The following DST variants were observed in gnomAD, a reference collection of about 807,000 sequenced individuals.
The protein encoded by DST is bullous pemphigoid antigen.
A neutral mutation model predicts 875.2 loss-of-function variants in DST; 253 were observed. The observed-to-expected ratio is 0.29, with a 90% CI of 0.26 to 0.32. The LOEUF (loss-of-function observed/expected upper bound fraction) is 0.32. DST is among the 10% of genes least tolerant of loss of function. DST has a pLI of 1.00. For missense variants in DST, 8,287 were observed against 9,111.6 expected (o/e 0.91, Z 3.68); for synonymous variants, 3,124 against 3,197.1 (o/e 0.98, Z 0.77).
intron 4 of DST, chr6:56,843,261 A>C: frequency 7.9e-7 from 1 of 1,269,716 alleles, no homozygotes. Context: ...AAGGAGCAGC[A>C]CGCTGGGGAG....
At chr6:56,563,857 G>A (rs2097590987) in intron 55 of DST, among the ~76,000 whole-genome samples, 1 of 151,702 alleles carries the variant, frequency 6.6e-6, no homozygotes, top group South Asian at 2.1e-4. Context: ...CATTGCTTTT[G>A]TCAGATTTGT....
At chr6:56,626,725 A>T (rs2098738309) in intron 34 of DST, among the ~76,000 whole-genome samples, 1 of 152,136 alleles carries the variant, frequency 6.6e-6, no homozygotes, top group African/African-American at 2.4e-5. Context: ...GGTAATTTCC[A>T]AGTCTGTTTA....
At chr6:56,907,754 A>G (rs953475077) in intron 2 of DST, among the ~76,000 whole-genome samples, 2 of 151,700 alleles carry the variant, frequency 1.3e-5, no homozygotes, top group Non-Finnish European at 2.9e-5. Flanking sequence ...CAGAAATTGG[A>G]AAAAAAAATA....
At chr6:56,630,437 T>C (rs753422852) in intron 30 of DST, 54 bp from the exon 31 acceptor site, 1 of 1,505,882 alleles carries the variant, frequency 6.6e-7, no homozygotes, top group Non-Finnish European at 9.2e-7. Context: ...TATTTTTGCA[T>C]AATGTAGTCC....
At position 56,891,693 on chromosome 6, in the gene DST, G is replaced by A. The variant is rs555690749; in HGVS notation, c.417+8728C>T. ...AGGCTGCAGTGAGCCGTGATTGCGC[G>A]ACTGCACTCCAGCCTGGGTGACAGA... On this transcript the variant is annotated intron_variant, in intron 3 of 103. Coordinates refer to ENST00000680361, the MANE Select transcript of DST (RefSeq NM_001374736.1). Among the ~76,000 whole-genome samples the A allele has an allele frequency of 6.0e-5, 9 of 151,166 alleles. No individual in the cohort carries two copies. The East Asian group carries it at 1.2e-3, about 20-fold the overall frequency.
At chr6:56,942,950 A>G (rs1817454741) in intron 2 of DST, among the ~76,000 whole-genome samples, 1 of 152,032 alleles carries the variant, frequency 6.6e-6, no homozygotes, top group Admixed American at 6.6e-5. Flanking sequence ...CGAATTCCTG[A>G]GCTCAAGCAA....
At chr6:56,596,007 T>TATTTATTTATTTA (rs773304161) in intron 47 of DST, among the ~76,000 whole-genome samples, 4,915 of 145,852 alleles carry the variant, frequency 0.034, 131 homozygotes, top group South Asian at 0.07. Context: ...ACTTTCTTTC[T>TATTTATTTATTTA]TTTATTTATT....
At chr6:56,501,040 G>C in intron 80 of DST, 40 bp downstream of exon 80, 1 of 1,591,222 alleles carries the variant, frequency 6.3e-7, no homozygotes, top group Non-Finnish European at 8.6e-7. Flanking sequence ...CACTAGAAAT[G>C]GACAGAGAAG....
intron 4 of DST, among the ~76,000 whole-genome samples, chr6:56,825,441 T>G (rs2099779212): frequency 6.7e-6 from 1 of 148,554 alleles, no homozygotes; most frequent in African/African-American, 2.5e-5. Context: ...CCTCCACTAT[T>G]GTCCTATGAC....
intron 89 of DST, 31 bp from the exon 90 acceptor site, chr6:56,482,209 C>T (rs749246881): frequency 7.0e-6 from 11 of 1,569,458 alleles, no homozygotes; most frequent in Non-Finnish European, 8.7e-6. Flanking sequence ...ACACCCCAAA[C>T]AAAATTCCCA....
intron 5 of DST, among the ~76,000 whole-genome samples, chr6:56,734,080 T>C (rs1007317572): frequency 6.6e-6 from 1 of 152,228 alleles, no homozygotes; most frequent in African/African-American, 2.4e-5. Flanking sequence ...CCATAAAGTA[T>C]GTGCAGAATG....
rs151230986 is a variant in DST at position 56,467,979 on chromosome 6, G to A, written c.22569+1003C>T. Among the ~76,000 whole-genome samples, 214 of 152,200 alleles carry A rather than the reference G, an allele frequency of 1.4e-3. 2 individuals are homozygous for A. In the Middle Eastern group the frequency reaches 0.024, roughly 17 times the overall value. On this transcript the variant is annotated intron_variant, in intron 98 of 103. Coordinates refer to ENST00000680361, the MANE Select transcript of DST (RefSeq NM_001374736.1). ...TTTCAGTATTATAGTATAACTAATG[G>A]AAGTTTTAAAAATCTATTCCAAGTA...
At chr6:56,649,837 CAG>C (rs2098964232) in intron 12 of DST, among the ~76,000 whole-genome samples, 1 of 152,080 alleles carries the variant, frequency 6.6e-6, no homozygotes, top group Non-Finnish European at 1.5e-5. Flanking sequence ...AATTTGGCAA[CAG>C]TGTGCCGAGG....
chr6:56,857,755 T>C (rs1224795256), intron 3 of DST, among the ~76,000 whole-genome samples: 3 of 152,220 alleles, frequency 2.0e-5, no homozygotes, highest in Admixed American at 2.0e-4. Flanking sequence ...CGATGTTGTA[T>C]CAAAATATAT....
chr6:56,944,758 C>G (rs917646658), intron 2 of DST, among the ~76,000 whole-genome samples: 1 of 152,188 alleles, frequency 6.6e-6, no homozygotes, highest in African/African-American at 2.4e-5. Context: ...CCAACTCTTT[C>G]TCCCTTGCCT....
Position 56,552,567 on chromosome 6 carries a change from C to G in DST, c.16225G>C (p.Ala5409Pro). The part of the protein sequence containing the change: ...AEFDDELDSM[A>P]PVGRDAETLQ... ...GTTTCTGCATCTCTCCCCACTGGAG[C>G]CATGCTATCCAGTTCATCATCAAAC... Residue 5409 changes from alanine to proline, a missense_variant, in exon 61 of 104, where the codon GCT becomes CCT. Coordinates refer to ENST00000680361, the MANE Select transcript of DST (RefSeq NM_001374736.1). 1 of 1,614,014 alleles carries G rather than the reference C, an allele frequency of 6.2e-7. No individual in the cohort carries two copies. The highest frequency in any genetic ancestry group is 8.5e-7 in the Non-Finnish European group (1 of 1,179,884).
rs766805021 is a variant in DST, at chr6:56,631,238, T to C, written c.4115A>G (p.Tyr1372Cys). The C allele has an allele frequency of 1.9e-6, 3 of 1,613,470 alleles. No homozygotes were observed. Among genetic ancestry groups the C allele is most frequent in the Non-Finnish European group, 2.5e-6 (3 of 1,179,578 alleles). ...ATCTATGTAAGTGGAAGACATAGAATAGACTTGGTTCATGTTCTGAAGGAC... is the reference window on the plus strand; with the variant it reads ...ATCTATGTAAGTGGAAGACATAGAACAGACTTGGTTCATGTTCTGAAGGAC... ...NVVLQNMNQVYSMSSTYIDKL... is the reference protein window; with the variant it reads ...NVVLQNMNQVCSMSSTYIDKL... The change falls in exon 30 of 104, where the codon TAT becomes TGT. Residue 1372 changes from tyrosine to cysteine, a missense_variant. Tyr to Cys is a radical substitution (Grantham distance 194). This residue lies in a region of DST where 3,138 missense variants were observed against 3,116.6 expected (regional missense o/e 1.01). Coordinates refer to ENST00000680361, the MANE Select transcript of DST (RefSeq NM_001374736.1).
At chr6:56,922,570 G>A (rs1211143385) in intron 2 of DST, among the ~76,000 whole-genome samples, 1 of 151,978 alleles carries the variant, frequency 6.6e-6, no homozygotes, top group Non-Finnish European at 1.5e-5. Flanking sequence ...TAGCCTCAGT[G>A]ACCTTCTTCT....
At chr6:56,677,103 A>G (rs2152836932) in intron 9 of DST, among the ~76,000 whole-genome samples, 2 of 152,360 alleles carry the variant, frequency 1.3e-5, no homozygotes, top group South Asian at 4.1e-4. Context: ...GATGTTGTAC[A>G]TGATAAATAT....
Sources: gnomAD v4.1 joint callset for allele counts (sites outside exome capture counted in the v4.1 genomes callset) on GRCh38, gnomAD v4.1.1 for gene constraint, gnomAD v4.1.1 regional missense constraint, MANE v1.5 for transcripts, NCBI Gene and HGNC (gene_info 2026-07-23, HGNC 2026-07-21) for gene names.